Variants in ADCY9 observed in about 807,000 individuals in gnomAD.
ADCY9 encodes the protein adenylate cyclase 9.
A neutral mutation model predicts 101.5 loss-of-function variants in ADCY9; 50 were observed. The observed-to-expected ratio is 0.49, with a 90% CI of 0.39 to 0.62. The LOEUF is 0.62. Among genes scored for constraint, ADCY9 ranks in the 20% least tolerant of loss-of-function variants. ADCY9 has a pLI of 0.00. For synonymous variants in ADCY9, 905 were observed against 769.3 expected (o/e 1.18, Z -2.92); for missense variants, 1,662 against 1,800.4 (o/e 0.92, Z 1.39).
At chr16:4,038,617 CTT>C (rs1209462011) in intron 2 of ADCY9, among the ~76,000 whole-genome samples, 1 of 152,154 alleles carries the variant, frequency 6.6e-6, no homozygotes, top group East Asian at 1.9e-4. Context: ...GCTGTACACT[CTT>C]TGCAGTATGA....
At chr16:3,958,903 G>A (rs2055923190), downstream of ADCY9, among the ~76,000 whole-genome samples, 1 of 151,748 alleles carries the variant, frequency 6.6e-6, no homozygotes, top group Admixed American at 6.6e-5. Flanking sequence ...CTTGACTCCT[G>A]ACCTCAGGTG....
At chr16:4,032,433 G>A (rs768292909) in intron 2 of ADCY9, among the ~76,000 whole-genome samples, 2 of 152,076 alleles carry the variant, frequency 1.3e-5, no homozygotes, top group East Asian at 3.9e-4. Flanking sequence ...AACCTGCCTG[G>A]TAGATATGCA....
At chr16:3,967,770 T>C (rs1251478417) in intron 10 of ADCY9, among the ~76,000 whole-genome samples, 1 of 150,756 alleles carries the variant, frequency 6.6e-6, no homozygotes, top group African/African-American at 2.4e-5. Context: ...CGATCTTGGC[T>C]CACTGCACCC....
At chr16:4,099,213 G>A (rs1209027715) in intron 2 of ADCY9, among the ~76,000 whole-genome samples, 1 of 152,112 alleles carries the variant, frequency 6.6e-6, no homozygotes, top group Non-Finnish European at 1.5e-5. Flanking sequence ...GATTACAGAC[G>A]TGAACCACCA....
At chr16:4,031,662 T>C (rs997428051) in intron 2 of ADCY9, among the ~76,000 whole-genome samples, 1 of 151,896 alleles carries the variant, frequency 6.6e-6, no homozygotes, top group Non-Finnish European at 1.5e-5. Context: ...GGCGGGTGGA[T>C]TGTTTGAGCC....
downstream of ADCY9, among the ~76,000 whole-genome samples, chr16:3,962,039 T>TAA (rs34916596): frequency 3.1e-3 from 457 of 149,804 alleles, 8 homozygotes; most frequent in Admixed American, 0.019. Flanking sequence ...AAATAAAAAT[T>TAA]AAAAAAAAAA....
At chr16:3,991,770 A>T (rs1451544441) in intron 5 of ADCY9, among the ~76,000 whole-genome samples, 1 of 147,884 alleles carries the variant, frequency 6.8e-6, no homozygotes, top group Admixed American at 6.7e-5. Flanking sequence ...TTATAAAAAA[A>T]AAAAAAAAAA....
chr16:3,956,829 C>T (rs2055909300), intron 5 of ADCY9, among the ~76,000 whole-genome samples: 1 of 151,962 alleles, frequency 6.6e-6, no homozygotes. Flanking sequence ...CACAAATGTG[C>T]AGCAAACCTT....
intron 2 of ADCY9, among the ~76,000 whole-genome samples, chr16:4,049,720 G>C (rs956520470): frequency 2.6e-5 from 4 of 152,100 alleles, no homozygotes; most frequent in Non-Finnish European, 5.9e-5. Context: ...GATTCTTCCA[G>C]ACTTCAAAAT....
At position 3,963,426 on chromosome 16, in the gene ADCY9, G is replaced by A; in HGVS notation, c.*2349C>T. ...GCACTGAGGTATGCATCGGAGCAGG[G>A]GACGGGGAGGACCCGAGGGGCTTCG... On this transcript the variant is annotated 3_prime_UTR_variant, in exon 11 of 11. Coordinates refer to ENST00000294016, the MANE Select transcript of ADCY9 (RefSeq NM_001116.4). The A allele has an allele frequency of 2.5e-6, 1 of 398,354 alleles. No individual in the cohort carries two copies. The highest frequency in any genetic ancestry group is 4.4e-6 in the Non-Finnish European group (1 of 225,690). The allele number at this position is 398,354 out of a possible 1,614,324, so 24.7% of individuals were successfully genotyped here.
At chr16:3,962,180 G>C (rs1345831267), downstream of ADCY9, among the ~76,000 whole-genome samples, 2 of 152,170 alleles carry the variant, frequency 1.3e-5, no homozygotes, top group Non-Finnish European at 2.9e-5. Flanking sequence ...TTTCTGGGAA[G>C]AGGCTCTATG....
In ADCY9 at chr16:4,114,579, G is replaced by T; in HGVS notation, c.864C>A (p.His288Gln). ...HWELLSRGLLHGCIHAIGVHL... is the reference protein window; with the variant it reads ...HWELLSRGLLQGCIHAIGVHL... ...GGACCCCGATGGCGTGGATGCAGCC[G>T]TGGAGCAGCCCCCTGCTCAGCAGCT... The change falls in exon 2 of 11, where the codon CAC (histidine) becomes CAA (glutamine). Residue 288 changes from histidine (H) to glutamine (Q), a missense_variant. This residue lies in a region of ADCY9 where 422 missense variants were observed against 392.0 expected (regional missense o/e 1.08). Transcript: ENST00000294016. This position sits in a 1 kb window ranked among gnomAD's most constrained non-coding sequence, Gnocchi z 4.3. The T allele has an allele frequency of 3.1e-6, 5 of 1,613,988 alleles. No homozygotes were observed. The highest frequency in any genetic ancestry group is 3.4e-6 in the Non-Finnish European group (4 of 1,180,040).
intron 2 of ADCY9, among the ~76,000 whole-genome samples, chr16:4,038,555 C>T (rs1002417513): frequency 6.6e-6 from 1 of 152,160 alleles, no homozygotes; most frequent in African/African-American, 2.4e-5. Context: ...TTGGAAATCA[C>T]CCAGTTGCAG....
chr16:3,957,042 C>T (rs1424063403), intron 5 of ADCY9, among the ~76,000 whole-genome samples: 2 of 152,160 alleles, frequency 1.3e-5, no homozygotes, highest in African/African-American at 2.4e-5. Context: ...CATTTTTCCT[C>T]GTGGTCACTT....
chr16:4,021,770 A>G (rs2056478735), intron 2 of ADCY9, among the ~76,000 whole-genome samples: 1 of 152,172 alleles, frequency 6.6e-6, no homozygotes, highest in Non-Finnish European at 1.5e-5. Context: ...ACACGAGGAC[A>G]ATTCCAGGCT....
At chr16:3,974,962 G>A (rs774252824) in intron 9 of ADCY9, among the ~76,000 whole-genome samples, 13 of 152,130 alleles carry the variant, frequency 8.5e-5, no homozygotes, top group Non-Finnish European at 1.8e-4. Flanking sequence ...CTTAGCAACC[G>A]TGATGGGATT....
intron 2 of ADCY9, chr16:4,054,071 A>C (rs1232508470): frequency 2.0e-5 from 3 of 151,358 alleles, no homozygotes; most frequent in African/African-American, 7.3e-5. Flanking sequence ...TGCATGTGTC[A>C]ATTTCTTGAC....
chr16:4,021,868 A>G (rs528241954), intron 2 of ADCY9, among the ~76,000 whole-genome samples: 1 of 152,330 alleles, frequency 6.6e-6, no homozygotes, highest in Non-Finnish European at 1.5e-5. Flanking sequence ...TTTAGGGTCC[A>G]TAATAACGCC....
intron 3 of ADCY9, among the ~76,000 whole-genome samples, chr16:3,993,991 G>C (rs541110646): frequency 6.6e-6 from 1 of 152,150 alleles, no homozygotes; most frequent in African/African-American, 2.4e-5. Context: ...GGGCAGGAAG[G>C]GGGAGTGGCT....
Sources: allele counts gnomAD v4.1 joint callset (sites outside exome capture counted in the v4.1 genomes callset), GRCh38; gene constraint gnomAD v4.1.1; regional missense constraint gnomAD v4.1.1; non-coding constraint Gnocchi (gnomAD v3.1); transcripts MANE v1.5; gene names NCBI Gene and HGNC (gene_info 2026-07-23, HGNC 2026-07-21).